The following MALRD1 variants were observed in gnomAD, a reference collection of about 807,000 sequenced individuals.
MALRD1 encodes MAM and LDL-receptor class A domain-containing protein 1.
Under a neutral mutation model 242.1 loss-of-function variants are expected in MALRD1, and 247 were observed. The observed-to-expected ratio is 1.02, with a 90% CI of 0.92 to 1.13. The LOEUF (loss-of-function observed/expected upper bound fraction) is 1.13, where lower values mean the gene tolerates loss of function less well. Ranked by LOEUF, MALRD1 falls within the 50% of genes most tolerant of loss-of-function variation. The pLI is 0.00. For missense variants in MALRD1, 2,989 were observed against 2,533.1 expected (o/e 1.18, Z -3.86); for synonymous variants, 995 against 866.6 (o/e 1.15, Z -2.60).
intron 11 of MALRD1, among the ~76,000 whole-genome samples, chr10:19,153,242 A>G (rs955661417): frequency 2.0e-5 from 3 of 152,182 alleles, no homozygotes; most frequent in Admixed American, 6.5e-5. Flanking sequence ...TTTAATTAGA[A>G]TATTTGTTCC....
chr10:19,185,138 G>A (rs1835681806), intron 14 of MALRD1, among the ~76,000 whole-genome samples: 1 of 152,106 alleles, frequency 6.6e-6, no homozygotes, highest in South Asian at 2.1e-4. Context: ...GATATTATGT[G>A]TCAAATAGTA....
intron 17 of MALRD1, among the ~76,000 whole-genome samples, chr10:19,208,047 T>C (rs1266631961): frequency 2.6e-5 from 4 of 151,626 alleles, no homozygotes; most frequent in African/African-American, 9.7e-5. Context: ...CAACTCAAAA[T>C]GTATGAATTG....
chr10:19,353,792 A>G (rs569513346), intron 26 of MALRD1, among the ~76,000 whole-genome samples: 4 of 152,284 alleles, frequency 2.6e-5, no homozygotes, highest in Non-Finnish European at 2.9e-5. Flanking sequence ...TGGTCCTTTG[A>G]AGAGTAATTA....
chr10:19,551,554 G>A (rs1835470202), intron 32 of MALRD1, among the ~76,000 whole-genome samples: 1 of 152,076 alleles, frequency 6.6e-6, no homozygotes, highest in Admixed American at 6.6e-5. Flanking sequence ...TGCAAAGAGG[G>A]GTAATTTAAC....
intron 28 of MALRD1, among the ~76,000 whole-genome samples, chr10:19,393,871 G>A (rs1483317480): frequency 6.6e-6 from 1 of 152,102 alleles, no homozygotes; most frequent in African/African-American, 2.4e-5. Context: ...GGTAAAATCT[G>A]TCTAGCCTCT....
intron 14 of MALRD1, among the ~76,000 whole-genome samples, chr10:19,191,237 G>A (rs111235201): frequency 5.9e-5 from 9 of 152,052 alleles, no homozygotes; most frequent in African/African-American, 1.2e-4. Flanking sequence ...CCAACATTAG[G>A]GAAATGCAAA....
intron 24 of MALRD1, among the ~76,000 whole-genome samples, chr10:19,341,516 GTATATATGTA>G (rs1843870148): frequency 7.5e-6 from 1 of 133,116 alleles, no homozygotes; most frequent in Non-Finnish European, 1.6e-5. Context: ...ATATATGTGT[GTATATATGTA>G]TATATATACA....
At chr10:19,156,583 A>G (rs1414069453) in intron 12 of MALRD1, among the ~76,000 whole-genome samples, 1 of 152,032 alleles carries the variant, frequency 6.6e-6, no homozygotes, top group African/African-American at 2.4e-5. Flanking sequence ...TTAGATATAT[A>G]GAAAAAATTG....
intron 1 of MALRD1, among the ~76,000 whole-genome samples, chr10:19,060,865 C>G (rs111418824): frequency 1.3e-5 from 2 of 152,110 alleles, no homozygotes; most frequent in Non-Finnish European, 2.9e-5. Context: ...TTCACAACAG[C>G]GAAGACATGG....
chr10:19,185,116 C>T (rs967529278), intron 14 of MALRD1, among the ~76,000 whole-genome samples: 1 of 152,118 alleles, frequency 6.6e-6, no homozygotes, highest in African/African-American at 2.4e-5. Context: ...AATGTGTATA[C>T]TGGAAAATGA....
chr10:19,694,786 G>A lies in MALRD1; in HGVS notation c.6314+2232G>A, dbSNP rs558201650. On this transcript the variant is annotated intron_variant, in intron 38 of 39. Coordinates refer to ENST00000454679, the MANE Select transcript of MALRD1 (RefSeq NM_001142308.3). ...ACACATGCACATGTACGTTTATTGC[G>A]GCACTATTCACAATAGCAAAGACTT... Among the ~76,000 whole-genome samples the A allele has an allele frequency of 9.2e-5, 14 of 152,110 alleles. 1 individual carries two copies. Among genetic ancestry groups the A allele is most frequent in the East Asian group, 3.9e-4 (2 of 5,166 alleles).
intron 26 of MALRD1, among the ~76,000 whole-genome samples, chr10:19,380,535 A>T (rs531713645): frequency 4.6e-5 from 7 of 151,970 alleles, no homozygotes; most frequent in Non-Finnish European, 8.8e-5. Flanking sequence ...TCTTAAGTAA[A>T]ATCCCAATTT....
intron 18 of MALRD1, among the ~76,000 whole-genome samples, chr10:19,214,053 A>G (rs931841204): frequency 2.0e-5 from 3 of 152,170 alleles, no homozygotes; most frequent in Admixed American, 1.3e-4. Flanking sequence ...TTCCCCAACC[A>G]TAGGTACTTT....
intron 36 of MALRD1, among the ~76,000 whole-genome samples, chr10:19,639,165 C>T (rs984285498): frequency 6.6e-6 from 1 of 151,942 alleles, no homozygotes; most frequent in African/African-American, 2.4e-5. Context: ...GATTGTGTAG[C>T]AAAGAAAAAT....
At chr10:19,409,500 A>T (rs980776949) in intron 28 of MALRD1, among the ~76,000 whole-genome samples, 1 of 152,166 alleles carries the variant, frequency 6.6e-6, no homozygotes, top group Non-Finnish European at 1.5e-5. Flanking sequence ...TAGGGATTGC[A>T]AAAAGTTAAG....
chr10:19,273,370 C>T (rs956549804), intron 19 of MALRD1, among the ~76,000 whole-genome samples: 2 of 152,136 alleles, frequency 1.3e-5, no homozygotes, highest in African/African-American at 4.8e-5. Context: ...ACCATGTCAT[C>T]CAGCAATCAA....
chr10:19,109,062 C>G (rs1836579781), intron 5 of MALRD1, among the ~76,000 whole-genome samples: 1 of 152,168 alleles, frequency 6.6e-6, no homozygotes, highest in Non-Finnish European at 1.5e-5. Flanking sequence ...GTAGGGTACA[C>G]TGACTTTGGT....
Position 19,233,913 on chromosome 10 carries a change from G to T in MALRD1, c.2992-23771G>T, listed in dbSNP as rs538556665. ...TCCCTATTATATTCAATTGTTTTGA[G>T]ATGCTTTTAATATGAAGTTTTTATG... is the stretch of plus-strand genomic sequence containing the variant. On this transcript the variant is annotated intron_variant, in intron 18 of 39. Transcript: ENST00000454679. 1.1e-4 allele frequency among the ~76,000 whole-genome samples: 16 copies of T among 151,926 alleles called. No homozygotes were observed. The East Asian group carries it at 3.1e-3, about 29-fold the overall frequency.
intron 32 of MALRD1, among the ~76,000 whole-genome samples, chr10:19,536,149 C>T (rs925895821): frequency 3.9e-5 from 6 of 152,026 alleles, no homozygotes; most frequent in Non-Finnish European, 8.8e-5. Context: ...TACTTTCTAC[C>T]TTCCTAGGTA....
Sources: gnomAD v4.1 joint callset for allele counts (sites outside exome capture counted in the v4.1 genomes callset) on GRCh38, gnomAD v4.1.1 for gene constraint, MANE v1.5 for transcripts, NCBI Gene and HGNC (gene_info 2026-07-23, HGNC 2026-07-21) for gene names.